The following APC variants were observed in gnomAD, a reference collection of about 807,000 sequenced individuals.
APC encodes the protein adenomatous polyposis coli protein.
Under a neutral mutation model 247.0 loss-of-function variants are expected in APC, and 72 were observed. The observed-to-expected ratio is 0.29, with a 90% CI of 0.24 to 0.35. The LOEUF is 0.35. Among genes scored for constraint, APC ranks in the 10% least tolerant of loss-of-function variants. The pLI is 1.00. For missense variants in APC, 3,400 were observed against 3,360.7 expected (o/e 1.01, Z -0.29); for synonymous variants, 1,254 against 1,162.5 (o/e 1.08, Z -1.60).
At chr5:112,817,321 G>A (rs186618946) in intron 9 of APC, among the ~76,000 whole-genome samples, 11 of 152,238 alleles carry the variant, frequency 7.2e-5, no homozygotes, top group African/African-American at 2.6e-4. Flanking sequence ...TCTTGGGAAA[G>A]GTATTACTGA....
In APC at chr5:112,837,597, AC is replaced by A. The variant is rs587782303; in HGVS notation, c.2004del (p.Leu669Ter). ...ENNCLQTLLQ[H>X]LKSHSLTIVS... ...AACTGTCTACAAACTTTATTACAAC[AC>A]TTAAAATCTCATAGTTTGACAATAG... On this transcript the variant is annotated frameshift_variant, in exon 16 of 16. Coordinates refer to ENST00000257430, the MANE Select transcript of APC (RefSeq NM_000038.6). LOFTEE classifies it high-confidence loss of function. 1 of 1,612,426 alleles carries A rather than the reference AC, an allele frequency of 6.2e-7. No individual in the cohort carries two copies. Among genetic ancestry groups the A allele is most frequent in the Non-Finnish European group, 8.5e-7 (1 of 1,178,594 alleles).
Position 112,842,489 on chromosome 5 carries a change from C to T in APC, c.6895C>T (p.Pro2299Ser), listed in dbSNP as rs1060503267. 3 of 1,613,998 alleles carry T rather than the reference C, an allele frequency of 1.9e-6. No individual in the cohort carries two copies. The highest frequency in any genetic ancestry group is 2.5e-6 in the Non-Finnish European group (3 of 1,179,926). The change falls in exon 16 of 16, where the codon CCT (proline) becomes TCT (serine). Residue 2299 changes from proline (P) to serine (S), a missense_variant. By Grantham distance (74) the Pro-to-Ser change is moderately conservative. Transcript: ENST00000257430. ...CCAAATAGGTGGGTCAAGTAAAGCA[C>T]CTTCTAGATCAGGATCTAGAGATTC... ...TSQIGGSSKAPSRSGSRDSTP... is the reference protein window; with the variant it reads ...TSQIGGSSKASSRSGSRDSTP...
At chr5:112,748,945 G>A (rs764367988) in intron 1 of APC, among the ~76,000 whole-genome samples, 1 of 152,140 alleles carries the variant, frequency 6.6e-6, no homozygotes, top group Admixed American at 6.6e-5. Context: ...TCAAGGCTGC[G>A]GTAAGCCTAG....
In APC at chr5:112,827,081, T is replaced by A. The variant is rs1561553258; in HGVS notation, c.1409-27T>A. The A allele has an allele frequency of 6.2e-7, 1 of 1,612,446 alleles. No individual in the cohort carries two copies. The highest frequency in any genetic ancestry group is 8.5e-7 in the Non-Finnish European group (1 of 1,179,192). On this transcript the variant is annotated intron_variant, in intron 11 of 15. Coordinates refer to ENST00000257430, the MANE Select transcript of APC (RefSeq NM_000038.6). ...GTTTGTTTTATTTTAGATGATTGTC[T>A]TTTTCCTCTTGCCCTTTTTAAATTA...
chr5:112,738,227 A>G (rs1337193426), intron 1 of APC: 7 of 966,610 alleles, frequency 7.2e-6, no homozygotes, highest in Non-Finnish European at 4.9e-6. Flanking sequence ...TTATAATGCC[A>G]TTTGACAGAG....
At chr5:112,814,589 CTTAG>C (rs1414711091) in intron 8 of APC, among the ~76,000 whole-genome samples, 1 of 152,144 alleles carries the variant, frequency 6.6e-6, no homozygotes, top group Non-Finnish European at 1.5e-5. Context: ...TTCTCACTGC[CTTAG>C]TTTGTGCCCT....
At chr5:112,762,280 C>T (rs1755759412) in intron 2 of APC, among the ~76,000 whole-genome samples, 1 of 152,188 alleles carries the variant, frequency 6.6e-6, no homozygotes, top group South Asian at 2.1e-4. Flanking sequence ...GTATTAAAAA[C>T]CATTTTGGCA....
At chr5:112,774,577 C>T (rs1757397804) in intron 4 of APC, among the ~76,000 whole-genome samples, 1 of 150,788 alleles carries the variant, frequency 6.6e-6, no homozygotes, top group Non-Finnish European at 1.5e-5. Context: ...TCTCCCAGCT[C>T]AACCTCCCAA....
intron 10 of APC, among the ~76,000 whole-genome samples, chr5:112,819,552 G>C (rs1762907067): frequency 6.6e-6 from 1 of 152,130 alleles, no homozygotes; most frequent in Admixed American, 6.5e-5. Flanking sequence ...ACTACTATAA[G>C]AACAGTAAGT....
intron 10 of APC, among the ~76,000 whole-genome samples, chr5:112,820,643 C>G (rs1385793394): frequency 1.3e-5 from 2 of 152,084 alleles, no homozygotes; most frequent in African/African-American, 4.8e-5. Context: ...ATTTTGTACT[C>G]CTGATATTTG....
rs772902822 is a variant in APC at position 112,819,076 on chromosome 5, A to T, written c.1044A>T (p.Arg348=). Residue 348 remains arginine (R), a synonymous_variant, in exon 10 of 16, where the codon CGA becomes CGT. Coordinates refer to ENST00000257430, the MANE Select transcript of APC (RefSeq NM_000038.6). The part of the protein sequence containing the change: ...SSSQDSCISM[R]QSGCLPLLIQ... ...CCCAAGACAGCTGTATATCCATGCG[A>T]CAGTCTGGATGTCTTCCTCTCCTCA... is the stretch of plus-strand genomic sequence containing the variant. 6.2e-7 allele frequency: 1 copy of T among 1,614,118 alleles called. No individual in the cohort carries two copies. The highest frequency in any genetic ancestry group is 8.5e-7 in the Non-Finnish European group (1 of 1,180,006).
intron 1 of APC, among the ~76,000 whole-genome samples, chr5:112,744,631 A>G (rs1424994670): frequency 6.6e-6 from 1 of 152,186 alleles, no homozygotes; most frequent in Non-Finnish European, 1.5e-5. Context: ...AAGGATGAGG[A>G]TATATTATAA....
intron 14 of APC, among the ~76,000 whole-genome samples, chr5:112,834,583 T>A (rs1050968411): frequency 6.6e-6 from 1 of 152,178 alleles, no homozygotes; most frequent in Non-Finnish European, 1.5e-5. Context: ...ACTTTTTTTT[T>A]TCTTTTTTCA....
intron 6 of APC, among the ~76,000 whole-genome samples, chr5:112,784,184 G>A (rs1384972588): frequency 6.6e-6 from 1 of 152,044 alleles, no homozygotes; most frequent in African/African-American, 2.4e-5. Flanking sequence ...TCTCATGCCT[G>A]AGCCTCCTGA....
rs767271480 is a variant in APC, at chr5:112,840,572, C to T, written c.4978C>T (p.Leu1660=). 1.9e-6 allele frequency: 3 copies of T among 1,614,112 alleles called. No individual in the cohort carries two copies. Among genetic ancestry groups the T allele is most frequent in the Non-Finnish European group, 2.5e-6 (3 of 1,179,990 alleles). Residue 1660 remains leucine (L), a synonymous_variant, in exon 16 of 16, where the codon CTA becomes TTA. Transcript: ENST00000257430. This position sits in a 1 kb window ranked among gnomAD's most constrained non-coding sequence, Gnocchi z 4.1. The stretch of plus-strand genomic sequence containing the variant: ...TTCCACAGCTACATCTCTAAGTGAT[C>T]TAACAATCGAATCCCCTCCAAATGA... ...NFSTATSLSD[L]TIESPPNELA...
Position 112,754,988 on chromosome 5 carries a change from A to G in APC, c.98A>G (p.His33Arg), listed in dbSNP as rs2149738409. The G allele has an allele frequency of 6.2e-7, 1 of 1,613,858 alleles. No individual in the cohort carries two copies. Among genetic ancestry groups the G allele is most frequent in the Non-Finnish European group, 8.5e-7 (1 of 1,179,802 alleles). ...LRQELEDNSN[H>R]LTKLETEASN... ...CAAGAGCTAGAAGATAATTCCAATC[A>G]TCTTACAAAACTGGAAACTGAGGCA... The change falls in exon 2 of 16, where the codon CAT becomes CGT. Residue 33 changes from histidine to arginine, a missense_variant. Physicochemically the swap from His to Arg is conservative, Grantham distance 29. Around this residue, in one of 9 missense-constraint regions of APC, gnomAD observed 372 missense variants for 367.6 expected, o/e 1.01. Transcript: ENST00000257430.
chr5:112,822,053 G>A (rs1580543243), intron 11 of APC, 62 bp downstream of exon 11: 1 of 1,099,866 alleles, frequency 9.1e-7, no homozygotes, highest in Non-Finnish European at 1.4e-6. Context: ...AATCATGGTA[G>A]AAATTCAGTA....
exon 1 of APC, chr5:112,707,699 T>C: frequency 7.3e-7 from 1 of 1,370,612 alleles, no homozygotes; most frequent in Non-Finnish European, 9.6e-7. Flanking sequence ...AGTTGCCTTC[T>C]CGGGCCTCGG....
chr5:112,726,497 C>T (rs1306673941), intron 1 of APC, among the ~76,000 whole-genome samples: 1 of 152,186 alleles, frequency 6.6e-6, no homozygotes, highest in Non-Finnish European at 1.5e-5. Context: ...TCTTCTGCTT[C>T]TCCATTTGTC....
Sources: allele counts gnomAD v4.1 joint callset (sites outside exome capture counted in the v4.1 genomes callset), GRCh38; gene constraint gnomAD v4.1.1; regional missense constraint gnomAD v4.1.1; non-coding constraint Gnocchi (gnomAD v3.1); transcripts MANE v1.5; gene names NCBI Gene and HGNC (gene_info 2026-07-23, HGNC 2026-07-21).